Variants in HPD observed in about 807,000 individuals in gnomAD.
HPD encodes the protein 4-hydroxyphenylpyruvic acid oxidase.
In HPD, 35 loss-of-function variants were observed where a neutral mutation model predicts 56.9. That is an observed-to-expected ratio of 0.62 (90% CI 0.47 to 0.82). The LOEUF is 0.82. HPD is among the 40% of genes least tolerant of loss of function. The probability of loss-of-function intolerance (pLI) is 0.00; values close to 1 mark genes in which losing one functional copy is unlikely to be tolerated. For missense variants in HPD, 442 were observed against 506.8 expected (o/e 0.87, Z 1.23); for synonymous variants, 186 against 200.2 (o/e 0.93, Z 0.60).
the HPD span, among the ~76,000 whole-genome samples, chr12:121,884,824 T>A: frequency 5.9e-5 from 9 of 152,176 alleles, no homozygotes; most frequent in Admixed American, 5.9e-4. Context: ...ACAAATAATT[T>A]ACAGAGTCAC....
the HPD span, among the ~76,000 whole-genome samples, chr12:121,887,116 T>G: frequency 6.6e-6 from 1 of 152,112 alleles, no homozygotes; most frequent in Non-Finnish European, 1.5e-5. Flanking sequence ...GCCAGGCTGG[T>G]CTTGAACTCC....
At chr12:121,887,241 G>A in the HPD span, among the ~76,000 whole-genome samples, 13 of 148,052 alleles carry the variant, frequency 8.8e-5, no homozygotes, top group Middle Eastern at 3.8e-3. Flanking sequence ...TGTAGAGATG[G>A]AGGTCTTGCT....
chr12:121,862,363 T>G (rs1592926093), upstream of HPD, among the ~76,000 whole-genome samples: 1 of 151,888 alleles, frequency 6.6e-6, no homozygotes, highest in Admixed American at 6.6e-5. Flanking sequence ...AATGGTGCGA[T>G]CTCGGCTTAT....
chr12:121,880,943 T>A, the HPD span, among the ~76,000 whole-genome samples: 2 of 152,096 alleles, frequency 1.3e-5, no homozygotes, highest in African/African-American at 4.8e-5. Flanking sequence ...TACAAGTGTG[T>A]CCCACCACGC....
chr12:121,850,704 T>G (rs969144632), intron 7 of HPD, among the ~76,000 whole-genome samples: 2 of 145,180 alleles, frequency 1.4e-5, no homozygotes, highest in East Asian at 2.1e-4. Flanking sequence ...TTTTTTTTTT[T>G]TTTTTTTTTG....
upstream of HPD, chr12:121,859,100 C>T (rs1555340417): frequency 1.9e-6 from 1 of 532,796 alleles, no homozygotes; most frequent in Non-Finnish European, 3.4e-6. Context: ...CAAGCTTTTC[C>T]AGGACGCTGG....
At chr12:121,855,056 T>A (rs2596140) in intron 6 of HPD, among the ~76,000 whole-genome samples, 1 of 151,770 alleles carries the variant, frequency 6.6e-6, no homozygotes, top group Non-Finnish European at 1.5e-5. Flanking sequence ...CTCTGCTAAC[T>A]CCCCCTGTGA....
At chr12:121,859,965 C>T (rs1878133792), upstream of HPD, among the ~76,000 whole-genome samples, 1 of 152,158 alleles carries the variant, frequency 6.6e-6, no homozygotes, top group African/African-American at 2.4e-5. Context: ...TTGAGACCAG[C>T]CTGGCAACAT....
upstream of HPD, among the ~76,000 whole-genome samples, chr12:121,867,354 A>C (rs1476247293): frequency 6.8e-6 from 1 of 147,834 alleles, no homozygotes; most frequent in African/African-American, 2.6e-5. Flanking sequence ...CCTGTCTCAA[A>C]AAAAAAAAAA....
At chr12:121,857,958 T>C in intron 2 of HPD, 139 bp from the exon 3 acceptor site, 2 of 722,816 alleles carry the variant, frequency 2.8e-6, no homozygotes, top group South Asian at 1.5e-5. Flanking sequence ...CCATGCAGCC[T>C]TGCCAAGCCT....
At chr12:121,856,029 C>G (rs1047299452) in intron 6 of HPD, among the ~76,000 whole-genome samples, 2 of 150,588 alleles carry the variant, frequency 1.3e-5, no homozygotes, top group Non-Finnish European at 3.0e-5. Flanking sequence ...CTTTGACAAC[C>G]CAGCTGTGGT....
chr12:121,848,997 A>G lies in HPD; in HGVS notation c.596+2T>C. On this transcript the variant is annotated splice_donor_variant, in intron 9 of 13. Transcript: ENST00000289004. LOFTEE classifies it high-confidence loss of function. ...CGCAGAGGGAGAGGGCCAAGGTCTC[A>G]CCATTCGGAGGCGGACACCATCTCC... 1 of 1,611,576 alleles carries G rather than the reference A, an allele frequency of 6.2e-7. No homozygotes were observed. Among genetic ancestry groups the G allele is most frequent in the Non-Finnish European group, 8.5e-7 (1 of 1,177,946 alleles).
At chr12:121,885,694 G>C in the HPD span, among the ~76,000 whole-genome samples, 1 of 151,630 alleles carries the variant, frequency 6.6e-6, no homozygotes, top group Non-Finnish European at 1.5e-5. Context: ...CAGGTGCGGT[G>C]GCTCACGCCT....
In HPD at chr12:121,855,361, A is replaced by G. The variant is rs937623218; in HGVS notation, c.325-569T>C. 5.3e-5 allele frequency among the ~76,000 whole-genome samples: 8 copies of G among 152,324 alleles called. 1 individual carries two copies. Among genetic ancestry groups the G allele is most frequent in the Admixed American group, 5.2e-4 (8 of 15,280 alleles). On this transcript the variant is annotated intron_variant, in intron 6 of 13. Coordinates refer to ENST00000289004, the MANE Select transcript of HPD (RefSeq NM_002150.3). ...CCTGGAGAGCCTGGCTCTGGAACGC[A>G]CACTCTGAATCTGTAGGCTGCCTGT...
At chr12:121,843,466 A>G (rs1877472501) in intron 12 of HPD, among the ~76,000 whole-genome samples, 1 of 152,188 alleles carries the variant, frequency 6.6e-6, no homozygotes, top group Non-Finnish European at 1.5e-5. Flanking sequence ...CTCCCTGACC[A>G]GTCTCTGTAA....
the HPD span, among the ~76,000 whole-genome samples, chr12:121,884,740 CCAAAAATA>C: frequency 1.3e-5 from 2 of 151,860 alleles, no homozygotes; most frequent in South Asian, 4.2e-4. Flanking sequence ...CAGAAAAGTT[CCAAAAATA>C]TTATAAAGAA....
the HPD span, among the ~76,000 whole-genome samples, chr12:121,872,609 C>A: frequency 6.6e-6 from 1 of 151,874 alleles, no homozygotes; most frequent in Non-Finnish European, 1.5e-5. Flanking sequence ...CTGCTCCGTT[C>A]ATGTCGTTTG....
chr12:121,861,961 G>C (rs1281474406), upstream of HPD, among the ~76,000 whole-genome samples: 1 of 152,082 alleles, frequency 6.6e-6, no homozygotes, highest in Non-Finnish European at 1.5e-5. Context: ...AATGAGCTAT[G>C]ATCGCACCAC....
chr12:121,851,701 T>TTATTTTTA (rs1374786525), intron 7 of HPD, among the ~76,000 whole-genome samples: 1 of 1,106 alleles, frequency 9.0e-4, no homozygotes, highest in Admixed American at 2.6e-3. Flanking sequence ...ATTTATTTAT[T>TTATTTTTA]TTTTTTTTTT....
Sources: gnomAD v4.1 joint callset for allele counts (sites outside exome capture counted in the v4.1 genomes callset) on GRCh38, gnomAD v4.1.1 for gene constraint, MANE v1.5 for transcripts, NCBI Gene and HGNC (gene_info 2026-07-23, HGNC 2026-07-21) for gene names.